The following ZFP57 variants were observed in gnomAD, a reference collection of about 807,000 sequenced individuals.
ZFP57 encodes zinc finger protein 57 homolog.
ZFP57 carries 12 observed loss-of-function variants against 15.8 expected under a neutral mutation model. That is an observed-to-expected ratio of 0.76 (90% confidence interval 0.49 to 1.23). The LOEUF is 1.23. Among genes scored for constraint, ZFP57 ranks in the 50% most tolerant of loss-of-function variants. The pLI is 0.00. For synonymous variants in ZFP57, 203 were observed against 242.3 expected (o/e 0.84, Z 1.51); for missense variants, 536 against 654.9 (o/e 0.82, Z 1.98).
Position 29,673,019 on chromosome 6 carries a change from G to T in ZFP57, c.1092C>A (p.Thr364=), listed in dbSNP as rs1771793673. ...AGTTGGATCTGGCATCCTGACAGAG[G>T]GTTCCAGTGATGGGTGCCTGGGTCC... The part of the protein sequence containing the change: ...VTRTQAPITG[T]LCQDARSNSH... Residue 364 remains threonine, a synonymous_variant, in exon 5 of 5, where the codon ACC becomes ACA. Coordinates refer to ENST00000376883, the MANE Select transcript of ZFP57 (RefSeq NM_001109809.5). The surrounding 1 kb of genome is among the most constrained non-coding windows in gnomAD (Gnocchi z 4.7). 6.2e-7 allele frequency: 1 copy of T among 1,612,958 alleles called. No individual in the cohort carries two copies. The highest frequency in any genetic ancestry group is 1.7e-5 in the Admixed American group (1 of 60,008).
intron 1 of ZFP57, among the ~76,000 whole-genome samples, chr6:29,679,902 CAAACAAACAAA>C (rs1772253595): frequency 1.1e-5 from 1 of 90,856 alleles, no homozygotes; most frequent in African/African-American, 5.1e-5. Flanking sequence ...AACAAACAAA[CAAACAAACAAA>C]AAAAAACGCC....
intron 1 of ZFP57, among the ~76,000 whole-genome samples, chr6:29,679,909 AC>A (rs386358870): frequency 0.22 from 19,409 of 88,496 alleles, 1,826 homozygotes; most frequent in African/African-American, 0.39. Context: ...AAACAAACAA[AC>A]AAAAAAAAAC....
rs753298748 is a variant in ZFP57, at chr6:29,672,827, GA to G, written c.1283del (p.Val428AlafsTer50). ...SKSFSSFSRL[V>X]RHQQTHWKQK... Reference sequence around the variant, plus strand: ...GCTTCCAGTGGGTCTGCTGGTGTCTGACCAGCCTGGAAAATGAGCTGAAAGA... The same window carrying G: ...GCTTCCAGTGGGTCTGCTGGTGTCTGCCAGCCTGGAAAATGAGCTGAAAGA... On this transcript the variant is annotated frameshift_variant, in exon 5 of 5. Transcript: ENST00000376883. LOFTEE classifies it low-confidence loss of function (END_TRUNC). The G allele has an allele frequency of 1.2e-6, 2 of 1,613,112 alleles. No homozygotes were observed. The highest frequency in any genetic ancestry group is 1.7e-6 in the Non-Finnish European group (2 of 1,180,036).
intron 1 of ZFP57, among the ~76,000 whole-genome samples, chr6:29,678,069 T>C (rs2127548892): frequency 6.6e-6 from 1 of 152,272 alleles, no homozygotes; most frequent in South Asian, 2.1e-4. Flanking sequence ...CTGGGCATAG[T>C]GGCACACATC....
At chr6:29,672,471 C>T (rs750631415), downstream of ZFP57, 1 of 1,612,716 alleles carries the variant, frequency 6.2e-7, no homozygotes, top group South Asian at 1.1e-5. Flanking sequence ...AAACTAAACA[C>T]AAAGAAAGAG....
Position 29,675,417 on chromosome 6 carries a change from A to C in ZFP57, c.321T>G (p.Phe107Leu), listed in dbSNP as rs758407681. Reference protein sequence around the residue: ...LEQEEEQWREFVHLPNTEGLS... With the variant: ...LEQEEEQWRELVHLPNTEGLS... ...GGCCTTCTGTGTTTGGGAGATGGAC[A>C]AACTCTCTCCACTGTTCCTCTTCTT... Residue 107 changes from phenylalanine to leucine, a missense_variant, in exon 4 of 5, where the codon TTT (phenylalanine) becomes TTG (leucine). Coordinates refer to ENST00000376883, the MANE Select transcript of ZFP57 (RefSeq NM_001109809.5). The C allele has an allele frequency of 6.2e-7, 1 of 1,614,082 alleles. No homozygotes were observed. The highest frequency in any genetic ancestry group is 1.3e-5 in the African/African-American group (1 of 75,016).
rs921356793 is a variant in ZFP57 at position 29,676,140 on chromosome 6, C to T, written c.124-81G>A. On this transcript the variant is annotated intron_variant, in intron 2 of 4. Coordinates refer to ENST00000376883, the MANE Select transcript of ZFP57 (RefSeq NM_001109809.5). The stretch of plus-strand genomic sequence containing the variant: ...TGTGTGTGTGTACAAGATTAACATC[C>T]AGTCTCAAGATTCAGAGAATTAAAA... 9.6e-6 allele frequency: 9 copies of T among 942,364 alleles called. No individual in the cohort carries two copies. The African/African-American group carries it at 1.5e-4, about 16-fold the overall frequency. The allele number at this position is 942,364 out of a possible 1,614,324, so 58.4% of individuals were successfully genotyped here.
rs1276621351 is a variant in ZFP57, at chr6:29,672,682, C to G, written c.1429G>C (p.Val477Leu). Residue 477 changes from valine (V) to leucine (L), a missense_variant, in exon 5 of 5, where the codon GTG becomes CTG. Physicochemically the swap from Val to Leu is conservative, Grantham distance 32. Transcript: ENST00000376883. ...AAGCCAAGCCACTGGCCCAGGATCACCCGGCATTTATGGTGGCTGCTCTGG... is the reference window on the plus strand; with the variant it reads ...AAGCCAAGCCACTGGCCCAGGATCAGCCGGCATTTATGGTGGCTGCTCTGG... ...LCQSSHHKCRVILGQWLGFSH... is the reference protein window; with the variant it reads ...LCQSSHHKCRLILGQWLGFSH... The G allele has an allele frequency of 3.1e-6, 5 of 1,612,356 alleles. No homozygotes were observed. The highest frequency in any genetic ancestry group is 4.2e-6 in the Non-Finnish European group (5 of 1,179,556).
rs1562221212 is a variant in ZFP57, at chr6:29,673,232, A to G, written c.879T>C (p.Cys293=). 6.2e-7 allele frequency: 1 copy of G among 1,612,910 alleles called. No individual in the cohort carries two copies. Among genetic ancestry groups the G allele is most frequent in the East Asian group, 2.2e-5 (1 of 44,876 alleles). ...NQEPVDGNQE[C]TLRIPGTQAE... ...CCTGGGTGCCTGGAATCCTCAAAGT[A>G]CACTCCTGGTTTCCATCCACTGGCT... The change falls in exon 5 of 5, where the codon TGT becomes TGC. Residue 293 remains cysteine (C), a synonymous_variant. Transcript: ENST00000376883. The surrounding 1 kb of genome is among the most constrained non-coding windows in gnomAD (Gnocchi z 4.7).
chr6:29,674,091 T>C (rs1583177065), intron 4 of ZFP57, among the ~76,000 whole-genome samples: 1 of 126,706 alleles, frequency 7.9e-6, no homozygotes, highest in African/African-American at 3.1e-5. Context: ...TGAAACTCTG[T>C]CTCAAAAAAA....
At chr6:29,678,212 A>G (rs4085262) in intron 1 of ZFP57, among the ~76,000 whole-genome samples, 1 of 152,258 alleles carries the variant, frequency 6.6e-6, no homozygotes, top group African/African-American at 2.4e-5. Context: ...TCAAAAAAAA[A>G]TCCAGAGATA....
chr6:29,676,100 A>ATGTGTGTGTGTGTGTGTGTGTG (rs764770421), intron 2 of ZFP57, 41 bp from the exon 3 acceptor site: 3 of 1,320,710 alleles, frequency 2.3e-6, no homozygotes, highest in Non-Finnish European at 2.1e-6. Context: ...ATATAAATAT[A>ATGTGTGTGTGTGTGTGTGTGTG]TATGTGTGTG....
intron 1 of ZFP57, among the ~76,000 whole-genome samples, chr6:29,680,331 C>T (rs1772280028): frequency 1.3e-5 from 2 of 152,182 alleles, no homozygotes; most frequent in African/African-American, 4.8e-5. Context: ...AACCCAAAAC[C>T]CTTTATCCAC....
At chr6:29,678,447 A>C (rs1187277072) in intron 1 of ZFP57, among the ~76,000 whole-genome samples, 1 of 152,272 alleles carries the variant, frequency 6.6e-6, no homozygotes, top group Non-Finnish European at 1.5e-5. Flanking sequence ...ATTTTACTTA[A>C]TAATGACCCA....
rs889430650 is a variant in ZFP57, at chr6:29,673,113, A to G, written c.998T>C (p.Ile333Thr). The change falls in exon 5 of 5, where the codon ATA becomes ACA. Residue 333 changes from isoleucine (I) to threonine (T), a missense_variant. Physicochemically the swap from Ile to Thr is moderately conservative, Grantham distance 89. Coordinates refer to ENST00000376883, the MANE Select transcript of ZFP57 (RefSeq NM_001109809.5). This position sits in a 1 kb window ranked among gnomAD's most constrained non-coding sequence, Gnocchi z 4.7. ...GGCCATAGGACCCTCAGTTCTAAAT[A>G]TGGGTTCCTGGGACCTGGCCACTGG... Reference protein sequence around the residue: ...HAPVARSQEPIFRTEGPMAQN... With the variant: ...HAPVARSQEPTFRTEGPMAQN... 3.1e-6 allele frequency: 5 copies of G among 1,612,884 alleles called. No homozygotes were observed. Among genetic ancestry groups the G allele is most frequent in the Non-Finnish European group, 4.2e-6 (5 of 1,180,000 alleles).
intron 1 of ZFP57, among the ~76,000 whole-genome samples, chr6:29,680,431 C>A (rs1163831533): frequency 6.6e-6 from 1 of 152,206 alleles, no homozygotes; most frequent in African/African-American, 2.4e-5. Flanking sequence ...TCGTCACCAA[C>A]CCTGCTACTC....
rs949535221 is a variant in ZFP57, at chr6:29,677,166, C to G, written c.-163G>C. 6.7e-6 allele frequency: 6 copies of G among 894,626 alleles called. No individual in the cohort carries two copies. The highest frequency in any genetic ancestry group is 6.6e-5 in the African/African-American group (4 of 60,290). The allele number at this position is 894,626 out of a possible 1,614,324, so 55.4% of individuals were successfully genotyped here. ...ATGTGGCTTCCTGTGACAAATGTAT[C>G]TGCTCCAAGAGGCTGTCTTCCTTTT... On this transcript the variant is annotated 5_prime_UTR_variant, in exon 2 of 5. Transcript: ENST00000376883.
chr6:29,673,509 A>T lies in ZFP57; in HGVS notation c.602T>A (p.Leu201Gln), dbSNP rs375036402. 24 of 1,613,002 alleles carry T rather than the reference A, an allele frequency of 1.5e-5. 1 individual carries two copies. Among genetic ancestry groups the T allele is most frequent in the Middle Eastern group, 3.3e-4 (2 of 6,084 alleles). The change falls in exon 5 of 5, where the codon CTG becomes CAG. Residue 201 changes from leucine to glutamine, a missense_variant. Leu to Gln is a moderately radical substitution (Grantham distance 113). Transcript: ENST00000376883. The surrounding 1 kb of genome is among the most constrained non-coding windows in gnomAD (Gnocchi z 4.7). ...CCCACACTGACTGCAGCTGTTAGTC[A>T]GCTTGGGATTGTGAACAAACTGGTG... Reference protein sequence around the residue: ...YSHQFVHNPKLTNSCSQCGKL... With the variant: ...YSHQFVHNPKQTNSCSQCGKL...
Position 29,677,791 on chromosome 6 carries a change from A to C in ZFP57, c.-363-425T>G, listed in dbSNP as rs576153454. ...TATACACACACACACACACACACACACACACAATTCTGTGATCTGGATTTT... is the reference window on the plus strand; with the variant it reads ...TATACACACACACACACACACACACCCACACAATTCTGTGATCTGGATTTT... On this transcript the variant is annotated intron_variant, in intron 1 of 4. Transcript: ENST00000376883. Among the ~76,000 whole-genome samples the C allele has an allele frequency of 2.6e-3, 379 of 145,044 alleles. 1 individual carries two copies. The highest frequency in any genetic ancestry group is 9.2e-3 in the African/African-American group (361 of 39,244).
Sources: allele counts gnomAD v4.1 joint callset (sites outside exome capture counted in the v4.1 genomes callset), GRCh38; gene constraint gnomAD v4.1.1; non-coding constraint Gnocchi (gnomAD v3.1); transcripts MANE v1.5; gene names NCBI Gene and HGNC (gene_info 2026-07-23, HGNC 2026-07-21).